RNGTT: variants seen among roughly 807,000 people sequenced by gnomAD.
RNGTT encodes mRNA-capping enzyme.
A neutral mutation model predicts 79.3 loss-of-function variants in RNGTT; 33 were observed. That is an observed-to-expected ratio of 0.42 (90% confidence interval 0.32 to 0.56). The LOEUF is 0.56. RNGTT is among the 20% of genes least tolerant of loss of function. RNGTT has a pLI of 0.17. For missense variants in RNGTT, 497 were observed against 739.1 expected (o/e 0.67, Z 3.80); for synonymous variants, 222 against 235.9 (o/e 0.94, Z 0.54).
intron 2 of RNGTT, among the ~76,000 whole-genome samples, chr6:88,933,881 T>C (rs36115270): frequency 0.12 from 18,189 of 152,304 alleles, 1,213 homozygotes; most frequent in Middle Eastern, 0.21. Context: ...CTAGATCGTA[T>C]AGCAGTTCTA....
intron 14 of RNGTT, among the ~76,000 whole-genome samples, chr6:88,666,696 G>A (rs902796217): frequency 2.0e-5 from 3 of 152,168 alleles, no homozygotes; most frequent in Non-Finnish European, 2.9e-5. Context: ...CTGTAGACTG[G>A]GAGCTGTATG....
intron 13 of RNGTT, among the ~76,000 whole-genome samples, chr6:88,701,341 C>T (rs1775938591): frequency 6.6e-6 from 1 of 152,058 alleles, no homozygotes; most frequent in Admixed American, 6.5e-5. Context: ...ACAAAGCCAA[C>T]TTCTGATAAC....
intron 14 of RNGTT, among the ~76,000 whole-genome samples, chr6:88,638,215 TA>T (rs1773171946): frequency 6.6e-6 from 1 of 152,176 alleles, no homozygotes; most frequent in South Asian, 2.1e-4. Context: ...AGTTTTTCTC[TA>T]ATCTGCCAAA....
At chr6:88,732,505 G>T (rs912421320) in intron 13 of RNGTT, among the ~76,000 whole-genome samples, 1 of 152,146 alleles carries the variant, frequency 6.6e-6, no homozygotes, top group Non-Finnish European at 1.5e-5. Flanking sequence ...CCACTTCTGG[G>T]TATTTACCCA....
chr6:88,707,575 G>A (rs76900898), intron 13 of RNGTT, among the ~76,000 whole-genome samples: 6,261 of 152,012 alleles, frequency 0.041, 423 homozygotes, highest in African/African-American at 0.14. Flanking sequence ...CCCATTTAAT[G>A]CTTCAAAGTA....
intron 11 of RNGTT, among the ~76,000 whole-genome samples, chr6:88,814,460 T>G (rs937242626): frequency 1.3e-5 from 2 of 152,198 alleles, no homozygotes; most frequent in Non-Finnish European, 2.9e-5. Flanking sequence ...AAAGCCCTTT[T>G]TTTCCTGGGA....
intron 4 of RNGTT, among the ~76,000 whole-genome samples, chr6:88,923,443 A>G (rs1167643207): frequency 2.0e-5 from 3 of 152,206 alleles, no homozygotes; most frequent in Non-Finnish European, 4.4e-5. Flanking sequence ...TAGAGACTAT[A>G]CCAATTAACA....
intron 11 of RNGTT, among the ~76,000 whole-genome samples, chr6:88,826,720 T>G (rs891183589): frequency 1.3e-5 from 2 of 150,244 alleles, no homozygotes; most frequent in African/African-American, 2.4e-5. Context: ...GAGGCAGAGG[T>G]TGCGATGAGC....
In RNGTT at chr6:88,678,498, T is replaced by G. The variant is rs957442730; in HGVS notation, c.1440-79A>C. ...TGTATAATTATCAAAATTTGAATAA[T>G]AGATATAATATAGATATACTATAAA... is the stretch of plus-strand genomic sequence containing the variant. On this transcript the variant is annotated intron_variant, in intron 13 of 15. Transcript: ENST00000369485. 1.2e-5 allele frequency: 10 copies of G among 827,590 alleles called. No homozygotes were observed. The African/African-American group carries it at 1.6e-4, about 13-fold the overall frequency. The allele number at this position is 827,590 out of a possible 1,614,324, so 51.3% of individuals were successfully genotyped here. A position where few individuals can be genotyped will look rare whatever the true frequency, so the allele number is the denominator to read the frequency against.
intron 11 of RNGTT, among the ~76,000 whole-genome samples, chr6:88,816,060 T>C (rs1178718919): frequency 6.6e-6 from 1 of 152,222 alleles, no homozygotes; most frequent in African/African-American, 2.4e-5. Context: ...ATGAAATATA[T>C]TGTGAACAAA....
At chr6:88,698,210 A>AC (rs1775788957) in intron 13 of RNGTT, among the ~76,000 whole-genome samples, 1 of 107,002 alleles carries the variant, frequency 9.3e-6, no homozygotes, top group Non-Finnish European at 1.7e-5. Flanking sequence ...GATATATATG[A>AC]AATATATATA....
chr6:88,771,303 ATG>A (rs373169358), intron 12 of RNGTT, among the ~76,000 whole-genome samples: 1,270 of 82,460 alleles, frequency 0.015, 54 homozygotes, highest in African/African-American at 0.058. Flanking sequence ...GTATGTATGT[ATG>A]TGTGTGTGTG....
intron 1 of RNGTT, among the ~76,000 whole-genome samples, chr6:88,959,760 A>C (rs1785553785): frequency 6.6e-6 from 1 of 152,186 alleles, no homozygotes; most frequent in African/African-American, 2.4e-5. Context: ...TGAAAAAAAA[A>C]ACTGCAATTG....
At chr6:88,884,976 G>GA (rs1433604092) in intron 8 of RNGTT, among the ~76,000 whole-genome samples, 3 of 151,518 alleles carry the variant, frequency 2.0e-5, no homozygotes, top group Non-Finnish European at 2.9e-5. Flanking sequence ...TAGAAAATGA[G>GA]AAAAAATTCA....
At chr6:88,928,126 C>T (rs1784380202) in intron 4 of RNGTT, among the ~76,000 whole-genome samples, 1 of 152,102 alleles carries the variant, frequency 6.6e-6, no homozygotes, top group Admixed American at 6.5e-5. Flanking sequence ...AAGAGAGGAT[C>T]ACTTGAGCCC....
chr6:88,645,922 C>T (rs1294761320), intron 14 of RNGTT, among the ~76,000 whole-genome samples: 1 of 152,176 alleles, frequency 6.6e-6, no homozygotes, highest in Non-Finnish European at 1.5e-5. Flanking sequence ...CTAGGCATTG[C>T]CATTCAGGAC....
intron 8 of RNGTT, among the ~76,000 whole-genome samples, chr6:88,881,137 T>C (rs1173992931): frequency 6.6e-6 from 1 of 152,172 alleles, no homozygotes; most frequent in Non-Finnish European, 1.5e-5. Context: ...TTTTAGGGAA[T>C]GTCAGAAATT....
In RNGTT at chr6:88,884,852, G is replaced by A. The variant is rs150675450; in HGVS notation, c.896+5643C>T. Among the ~76,000 whole-genome samples the A allele has an allele frequency of 5.0e-3, 756 of 152,146 alleles. 5 individuals are homozygous for A. The highest frequency in any genetic ancestry group is 0.017 in the African/African-American group (696 of 41,496). On this transcript the variant is annotated intron_variant, in intron 8 of 15. Transcript: ENST00000369485. Reference sequence around the variant, plus strand: ...CACAAATATTACACTCTATTCAAATGGATTTCTCACAGTGGCTTTGGATAG... The same window carrying A: ...CACAAATATTACACTCTATTCAAATAGATTTCTCACAGTGGCTTTGGATAG...
intron 12 of RNGTT, among the ~76,000 whole-genome samples, chr6:88,779,310 A>G (rs1355867122): frequency 6.6e-6 from 1 of 152,206 alleles, no homozygotes; most frequent in Non-Finnish European, 1.5e-5. Flanking sequence ...TCCGTTTCCT[A>G]CTTGTTTATA....
Sources: gnomAD v4.1 joint callset for allele counts (sites outside exome capture counted in the v4.1 genomes callset) on GRCh38, gnomAD v4.1.1 for gene constraint, MANE v1.5 for transcripts, NCBI Gene and HGNC (gene_info 2026-07-23, HGNC 2026-07-21) for gene names.